Variants in RPAIN observed in about 807,000 individuals in gnomAD.
RPAIN encodes RPA interacting protein, also known as RPA-interacting protein.
A neutral mutation model predicts 30.5 loss-of-function variants in RPAIN; 29 were observed. The ratio of observed to expected loss-of-function variants is 0.95; its 90% confidence interval spans 0.71 to 1.30. RPAIN has a LOEUF of 1.30. Among genes scored for constraint, RPAIN ranks in the 50% most tolerant of loss-of-function variants. The pLI is 0.00. For missense variants in RPAIN, 247 were observed against 264.7 expected, an observed-to-expected ratio of 0.93 and a Z score of 0.46; for synonymous variants, 101 against 93.5, an observed-to-expected ratio of 1.08 and a Z score of -0.46.
rs768130440 is a variant in RPAIN at position 5,426,257 on chromosome 17, CG to C, written c.449del (p.Gly150ValfsTer18). 6.2e-7 allele frequency: 1 copy of C among 1,613,988 alleles called. No homozygotes were observed. Among genetic ancestry groups the C allele is most frequent in the African/African-American group, 1.3e-5 (1 of 74,928 alleles). The stretch of plus-strand genomic sequence containing the variant: ...CTAGGTACAACCTGAGAATCACAAG[CG>C]GTGTGGTGGTGTGTCAGTGTGGCCT... Reference protein sequence around the residue: ...CTKYNLRITSGVVVCQCGLSI... With the variant: ...CTKYNLRITSXVVVCQCGLSI... On this transcript the variant is annotated frameshift_variant, in exon 5 of 7. Transcript: ENST00000381209. LOFTEE classifies it high-confidence loss of function.
At position 5,432,561 on chromosome 17, in the gene RPAIN, T is replaced by TGATCCTCTA. The variant is rs1916089038; in HGVS notation, c.653_*1dup. The TGATCCTCTA allele has an allele frequency of 6.2e-7, 1 of 1,613,994 alleles. No individual in the cohort carries two copies. The highest frequency in any genetic ancestry group is 1.3e-5 in the African/African-American group (1 of 74,952). ...ACCTAGGCCTGTGATACTTGGGCTG[T>TGATCCTCTA]GATCCTCTAGAGCCAGCTTGGACTC... On this transcript the variant is annotated stop_gained and inframe_insertion, in exon 7 of 7. Transcript: ENST00000381209. LOFTEE classifies it high-confidence loss of function.
chr17:5,429,849 A>G (rs1257813329), intron 6 of RPAIN: 36 of 845,694 alleles, frequency 4.3e-5, no homozygotes, highest in Non-Finnish European at 5.1e-5. Context: ...CGTGTACTTC[A>G]TTCAGCCTGA....
chr17:5,428,737 A>G, intron 6 of RPAIN: 4 of 1,016,880 alleles, frequency 3.9e-6, no homozygotes, highest in Non-Finnish European at 4.7e-6. Flanking sequence ...TATCTCTTAT[A>G]ATCCATGTCC....
chr17:5,432,615 C>T lies in RPAIN; in HGVS notation c.*44C>T. The T allele has an allele frequency of 4.4e-6, 7 of 1,577,376 alleles. No homozygotes were observed. Among genetic ancestry groups the T allele is most frequent in the Non-Finnish European group, 6.1e-6 (7 of 1,146,726 alleles). Reference sequence around the variant, plus strand: ...TCATTCTATGGGGTTGAAGACAACTCATTCCCTCTGAGGAGCCTTGTACAT... The same window carrying T: ...TCATTCTATGGGGTTGAAGACAACTTATTCCCTCTGAGGAGCCTTGTACAT... On this transcript the variant is annotated 3_prime_UTR_variant, in exon 7 of 7. Coordinates refer to ENST00000381209, the MANE Select transcript of RPAIN (RefSeq NM_001033002.4).
chr17:5,424,083 G>T (rs1915150113), intron 3 of RPAIN, among the ~76,000 whole-genome samples: 1 of 151,180 alleles, frequency 6.6e-6, no homozygotes. Flanking sequence ...ATCCTCCTAG[G>T]CTCAACCAAT....
intron 2 of RPAIN, 152 bp from the exon 3 acceptor site, chr17:5,422,617 T>G (rs1360799688): frequency 3.8e-5 from 24 of 639,750 alleles, no homozygotes; most frequent in Non-Finnish European, 2.8e-6. Flanking sequence ...CATGACAGCA[T>G]TACCCCACTG....
intron 3 of RPAIN, chr17:5,425,288 C>A (rs529909018): frequency 6.6e-6 from 3 of 455,850 alleles, no homozygotes; most frequent in African/African-American, 6.0e-5. Flanking sequence ...AACACAGATT[C>A]CAAGTATGTG....
chr17:5,428,500 G>C, intron 6 of RPAIN: 1 of 1,396,870 alleles, frequency 7.2e-7, no homozygotes, highest in Non-Finnish European at 9.3e-7. Context: ...TTTGGATTCA[G>C]CTGGTCATTT....
intron 3 of RPAIN, 29 bp downstream of exon 3, chr17:5,422,858 C>T (rs2189337): frequency 0.29 from 446,508 of 1,515,558 alleles, 76,376 homozygotes; most frequent in East Asian, 0.8. Context: ...CCTTCCTTAC[C>T]TGTATTTAGC....
chr17:5,428,999 G>C, intron 6 of RPAIN: 1 of 966,972 alleles, frequency 1.0e-6, no homozygotes. Flanking sequence ...GCATTGCCTG[G>C]TAACAGCCAT....
intron 1 of RPAIN, 99 bp from the exon 2 acceptor site, chr17:5,421,197 C>T: frequency 1.6e-6 from 2 of 1,214,282 alleles, no homozygotes; most frequent in Non-Finnish European, 2.3e-6. Flanking sequence ...AATTTTGTGT[C>T]TATAAACTTT....
At chr17:5,427,989 A>G in intron 5 of RPAIN, 82 bp from the exon 6 acceptor site, 1 of 1,377,948 alleles carries the variant, frequency 7.3e-7, no homozygotes, top group Non-Finnish European at 1.0e-6. Flanking sequence ...CCACGGTTAT[A>G]TTGGTTGGCA....
chr17:5,432,688 T>A lies in RPAIN; in HGVS notation c.*117T>A. Reference sequence around the variant, plus strand: ...ATTTTGTATTGAAACTTTTAAACAATACTGAAGAAAAAAAAACTTTTCCGA... The same window carrying A: ...ATTTTGTATTGAAACTTTTAAACAAAACTGAAGAAAAAAAAACTTTTCCGA... On this transcript the variant is annotated 3_prime_UTR_variant, in exon 7 of 7. Coordinates refer to ENST00000381209, the MANE Select transcript of RPAIN (RefSeq NM_001033002.4). 1 of 1,091,790 alleles carries A rather than the reference T, an allele frequency of 9.2e-7. No homozygotes were observed. Among genetic ancestry groups the A allele is most frequent in the Non-Finnish European group, 1.3e-6 (1 of 743,528 alleles). The allele number at this position is 1,091,790 out of a possible 1,614,324, so 67.6% of individuals were successfully genotyped here.
At chr17:5,432,176 T>TCTCGGTGG in intron 6 of RPAIN, 1 of 253,338 alleles carries the variant, frequency 3.9e-6, no homozygotes, top group Non-Finnish European at 7.7e-6. Context: ...CTTGTGTAGA[T>TCTCGGTGG]TTGGAGTCTC....
At chr17:5,421,096 G>A (rs1158036518) in intron 1 of RPAIN, among the ~76,000 whole-genome samples, 200 bp from the exon 2 acceptor site, 1 of 152,114 alleles carries the variant, frequency 6.6e-6, no homozygotes, top group African/African-American at 2.4e-5. Context: ...AAAAAATATG[G>A]TTCTTTGTAA....
At chr17:5,426,357 G>A (rs558845086) in intron 5 of RPAIN, 58 bp downstream of exon 5, 80 of 1,463,076 alleles carry the variant, frequency 5.5e-5, no homozygotes, top group Middle Eastern at 1.7e-4. Context: ...CTACTTTCTT[G>A]AAGATCCTCC....
At chr17:5,432,417 C>CTAAT in intron 6 of RPAIN, 125 bp from the exon 7 acceptor site, 1 of 869,542 alleles carries the variant, frequency 1.2e-6, no homozygotes, top group Non-Finnish European at 1.9e-6. Context: ...CACTACTGAA[C>CTAAT]TAATTGAAAC....
At chr17:5,421,261 T>C (rs1597338557) in intron 1 of RPAIN, 35 bp from the exon 2 acceptor site, 1 of 1,555,802 alleles carries the variant, frequency 6.4e-7, no homozygotes, top group Non-Finnish European at 8.7e-7. Flanking sequence ...AGAAATGCTT[T>C]TTTTTTCCCC....
intron 6 of RPAIN, chr17:5,431,553 G>A (rs1567589841): frequency 6.6e-6 from 3 of 454,944 alleles, no homozygotes; most frequent in Non-Finnish European, 1.3e-5. Flanking sequence ...TCAACATTTG[G>A]AAAGGTAGAC....
Sources: allele counts gnomAD v4.1 joint callset (sites outside exome capture counted in the v4.1 genomes callset), GRCh38; gene constraint gnomAD v4.1.1; transcripts MANE v1.5; gene names NCBI Gene and HGNC (gene_info 2026-07-23, HGNC 2026-07-21).